SGF29: variants seen among roughly 807,000 people sequenced by gnomAD.
SGF29 encodes the protein SAGA complex associated factor 29, also known as SAGA-associated factor 29.
Under a neutral mutation model 38.1 loss-of-function variants are expected in SGF29, and 15 were observed. The observed-to-expected ratio is 0.39, with a 90% CI of 0.26 to 0.61. SGF29 has a LOEUF of 0.61. Ranked by LOEUF, SGF29 falls within the 20% of genes least tolerant of loss-of-function variation. The probability of loss-of-function intolerance (pLI) is 0.49; values close to 1 mark genes in which losing one functional copy is unlikely to be tolerated. For synonymous variants in SGF29, 151 were observed against 160.8 expected (o/e 0.94, Z 0.46); for missense variants, 184 against 394.6 (o/e 0.47, Z 4.52).
chr16:28,568,437 C>T (rs1003445833), intron 1 of SGF29, among the ~76,000 whole-genome samples: 2 of 151,712 alleles, frequency 1.3e-5, no homozygotes, highest in African/African-American at 2.4e-5. Context: ...ACAGAAAATG[C>T]CAGTGTATGA....
In SGF29 at chr16:28,590,041, G is replaced by T. The variant is rs2046978632; in HGVS notation, c.290-55G>T. On this transcript the variant is annotated intron_variant, in intron 5 of 9. Coordinates refer to ENST00000317058, the MANE Select transcript of SGF29 (RefSeq NM_138414.3). The surrounding 1 kb of genome is among the most constrained non-coding windows in gnomAD (Gnocchi z 8.2). ...TCAACAGCTCAGTGCAGCATGCTCG[G>T]GGGTCAAGGCCGGCACCTATCCCTG... 2 of 1,571,560 alleles carry T rather than the reference G, an allele frequency of 1.3e-6. No individual in the cohort carries two copies. Among genetic ancestry groups the T allele is most frequent in the Non-Finnish European group, 1.7e-6 (2 of 1,160,634 alleles).
intron 1 of SGF29, among the ~76,000 whole-genome samples, chr16:28,571,587 G>A (rs1248046083): frequency 2.9e-5 from 3 of 103,860 alleles, no homozygotes; most frequent in Admixed American, 1.2e-4. Flanking sequence ...ACTAGACTCC[G>A]CCTTAAAAAA....
At chr16:28,586,442 G>A (rs2046956418) in intron 4 of SGF29, among the ~76,000 whole-genome samples, 1 of 151,606 alleles carries the variant, frequency 6.6e-6, no homozygotes, top group Non-Finnish European at 1.5e-5. Flanking sequence ...AGGAGGCGGA[G>A]GTTGCAGTGA....
At chr16:28,564,551 GTA>G (rs58434968) in intron 1 of SGF29, among the ~76,000 whole-genome samples, 3,257 of 39,388 alleles carry the variant, frequency 0.083, 254 homozygotes, top group East Asian at 0.4. Flanking sequence ...ATATATATAC[GTA>G]TATATATATA....
intron 1 of SGF29, among the ~76,000 whole-genome samples, chr16:28,576,712 C>T (rs1039528480): frequency 1.3e-5 from 2 of 152,012 alleles, no homozygotes; most frequent in African/African-American, 4.8e-5. Context: ...AAAAGAAAAA[C>T]AAAGAAAACG....
At chr16:28,571,276 G>A (rs1207454273) in intron 1 of SGF29, among the ~76,000 whole-genome samples, 2 of 151,930 alleles carry the variant, frequency 1.3e-5, no homozygotes, top group Non-Finnish European at 2.9e-5. Flanking sequence ...TGTACTTTCC[G>A]GCCTTCAGAA....
intron 1 of SGF29, among the ~76,000 whole-genome samples, chr16:28,577,389 C>T (rs866354166): frequency 2.6e-5 from 4 of 151,886 alleles, no homozygotes; most frequent in South Asian, 2.1e-4. Flanking sequence ...CATTAATAGT[C>T]GCTGTCCTTT....
At chr16:28,577,003 G>A (rs1338306720) in intron 1 of SGF29, among the ~76,000 whole-genome samples, 6 of 151,930 alleles carry the variant, frequency 3.9e-5, no homozygotes, top group South Asian at 2.1e-4. Context: ...TCGAAACCCC[G>A]TCTCTACTAA....
In SGF29 at chr16:28,584,943, G is replaced by A. The variant is rs891927415; in HGVS notation, c.106G>A (p.Val36Met). 1.2e-6 allele frequency: 2 copies of A among 1,613,706 alleles called. No individual in the cohort carries two copies. Among genetic ancestry groups the A allele is most frequent in the Admixed American group, 1.7e-5 (1 of 59,988 alleles). Residue 36 changes from valine (V) to methionine (M), a missense_variant, in exon 3 of 10, where the codon GTG becomes ATG. Physicochemically the swap from Val to Met is conservative, Grantham distance 21. Around this residue, in one of 2 missense-constraint regions of SGF29, gnomAD observed 77 missense variants for 117.7 expected, o/e 0.65. Coordinates refer to ENST00000317058, the MANE Select transcript of SGF29 (RefSeq NM_138414.3). Reference protein sequence around the residue: ...EERSRSEHNLVNIQKTHERMQ... With the variant: ...EERSRSEHNLMNIQKTHERMQ... ...GCGTTCGCGGAGCGAACACAACTTA[G>A]TGAACATCCAGAAGACCCATGAGCG...
At chr16:28,582,598 G>A (rs1332792627) in intron 2 of SGF29, among the ~76,000 whole-genome samples, 3 of 152,156 alleles carry the variant, frequency 2.0e-5, no homozygotes, top group Admixed American at 2.0e-4. Context: ...CAGCTTTTCT[G>A]TAAACCAAAA....
chr16:28,586,145 G>A (rs1009398632), intron 4 of SGF29, among the ~76,000 whole-genome samples: 3 of 152,012 alleles, frequency 2.0e-5, no homozygotes, highest in African/African-American at 7.2e-5. Context: ...TTAATTAGCT[G>A]AGCGTGGTGG....
intron 2 of SGF29, 105 bp from the exon 3 acceptor site, chr16:28,584,804 AAAAG>A: frequency 1.5e-6 from 1 of 687,812 alleles, no homozygotes; most frequent in Non-Finnish European, 2.4e-6. Context: ...AAAAAAAAAA[AAAAG>A]AAAATGAGGG....
At chr16:28,571,437 T>C (rs2046863827) in intron 1 of SGF29, among the ~76,000 whole-genome samples, 1 of 151,796 alleles carries the variant, frequency 6.6e-6, no homozygotes, top group Non-Finnish European at 1.5e-5. Flanking sequence ...CTACTAAAAA[T>C]ACAAAATTAG....
chr16:28,572,354 C>G (rs1034453706), intron 1 of SGF29, among the ~76,000 whole-genome samples: 1 of 151,732 alleles, frequency 6.6e-6, no homozygotes, highest in Non-Finnish European at 1.5e-5. Flanking sequence ...ACTGCAACAT[C>G]CGCCTGCTGG....
At chr16:28,558,597 TAA>T (rs2063604996) in intron 1 of SGF29, among the ~76,000 whole-genome samples, 1 of 152,142 alleles carries the variant, frequency 6.6e-6, no homozygotes, top group Non-Finnish European at 1.5e-5. Context: ...CATGAGGCAT[TAA>T]AAAGCCCATG....
intron 2 of SGF29, among the ~76,000 whole-genome samples, chr16:28,581,814 G>A (rs926107829): frequency 2.0e-5 from 3 of 151,928 alleles, no homozygotes; most frequent in Admixed American, 6.6e-5. Context: ...AGCTACTGGG[G>A]AGGCTGAGGC....
chr16:28,565,365 G>A (rs2046829987), intron 1 of SGF29, among the ~76,000 whole-genome samples: 1 of 152,226 alleles, frequency 6.6e-6, no homozygotes, highest in African/African-American at 2.4e-5. Flanking sequence ...AATCTAGAGA[G>A]TGGAGCTTTG....
At chr16:28,581,867 C>G (rs1035133049) in intron 2 of SGF29, among the ~76,000 whole-genome samples, 12 of 150,568 alleles carry the variant, frequency 8.0e-5, no homozygotes, top group Non-Finnish European at 1.3e-4. Context: ...TGCAGTGAGC[C>G]GAGATGGCGC....
chr16:28,571,216 C>T lies in SGF29; in HGVS notation c.-15-9839C>T, dbSNP rs187340507. ...CCATGTTGAGAATGCAGTGAGAAGG[C>T]ACCATCTTTGAAGCGGAGAGCGATG... On this transcript the variant is annotated intron_variant, in intron 1 of 9. Coordinates refer to ENST00000317058, the MANE Select transcript of SGF29 (RefSeq NM_138414.3). Among the ~76,000 whole-genome samples the T allele has an allele frequency of 7.8e-3, 1,184 of 152,202 alleles. 6 individuals carry two copies. The highest frequency in any genetic ancestry group is 0.012 in the Non-Finnish European group (784 of 68,002).
Sources: allele counts gnomAD v4.1 joint callset (sites outside exome capture counted in the v4.1 genomes callset), GRCh38; gene constraint gnomAD v4.1.1; regional missense constraint gnomAD v4.1.1; non-coding constraint Gnocchi (gnomAD v3.1); transcripts MANE v1.5; gene names NCBI Gene and HGNC (gene_info 2026-07-23, HGNC 2026-07-21).